Variants in ADAM2 observed in about 807,000 individuals in gnomAD.
ADAM2 encodes the protein disintegrin and metalloproteinase domain-containing protein 2.
In ADAM2, 101 loss-of-function variants were observed where a neutral mutation model predicts 99.3. That is an observed-to-expected ratio of 1.02 (90% CI 0.87 to 1.20). The LOEUF (loss-of-function observed/expected upper bound fraction) is 1.20, where lower values mean the gene tolerates loss of function less well. Ranked by LOEUF, ADAM2 falls within the 50% of genes most tolerant of loss-of-function variation. The pLI is 0.00. For missense variants in ADAM2, 948 were observed against 878.7 expected (o/e 1.08, Z -1.00); for synonymous variants, 323 against 287.6 (o/e 1.12, Z -1.25).
At chr8:39,746,691 T>G (rs1823480378) in intron 18 of ADAM2, 60 bp from the exon 19 acceptor site, 4 of 1,349,206 alleles carry the variant, frequency 3.0e-6, no homozygotes, top group Non-Finnish European at 4.0e-6. Context: ...TAAAGATATT[T>G]CTGTATTTTA....
intron 10 of ADAM2, among the ~76,000 whole-genome samples, chr8:39,779,370 T>C (rs756337035): frequency 1.3e-5 from 2 of 152,116 alleles, no homozygotes; most frequent in Non-Finnish European, 2.9e-5. Context: ...AGCAGTCCTA[T>C]TGAATTAGAG....
chr8:39,766,022 T>A (rs1020000177), intron 14 of ADAM2, among the ~76,000 whole-genome samples: 8 of 152,210 alleles, frequency 5.3e-5, no homozygotes, highest in Non-Finnish European at 1.0e-4. Context: ...TGTATATAGT[T>A]TGCACCATGG....
chr8:39,746,542 G>A lies in ADAM2; in HGVS notation c.2104C>T (p.Leu702=). The A allele has an allele frequency of 6.2e-7, 1 of 1,605,570 alleles. No individual in the cohort carries two copies. Among genetic ancestry groups the A allele is most frequent in the Non-Finnish European group, 8.5e-7 (1 of 1,175,790 alleles). The part of the protein sequence containing the change: ...FIPFFIIFCV[L]IAIMVKVNFQ... ...TTAACTTTCACCATTATAGCAATCA[G>A]TACACAGAAAATAATAAAGAAAGGA... Residue 702 remains leucine, a synonymous_variant, in exon 19 of 21, where the codon CTG becomes TTG. Coordinates refer to ENST00000265708, the MANE Select transcript of ADAM2 (RefSeq NM_001464.5).
intron 2 of ADAM2, among the ~76,000 whole-genome samples, chr8:39,836,126 A>T (rs918599856): frequency 1.3e-5 from 2 of 152,130 alleles, no homozygotes; most frequent in Non-Finnish European, 2.9e-5. Flanking sequence ...TGTATCTGAC[A>T]CTGTTCTAGG....
intron 15 of ADAM2, among the ~76,000 whole-genome samples, chr8:39,758,095 T>G (rs1246908455): frequency 6.6e-6 from 1 of 152,220 alleles, no homozygotes; most frequent in African/African-American, 2.4e-5. Flanking sequence ...TTTATGGCAC[T>G]TAATTGGAAT....
intron 7 of ADAM2, among the ~76,000 whole-genome samples, chr8:39,803,426 GC>G (rs771839115): frequency 5.9e-5 from 9 of 152,150 alleles, no homozygotes; most frequent in Non-Finnish European, 1.0e-4. Context: ...ATCCCAAGGT[GC>G]CCAGTCAACC....
intron 18 of ADAM2, among the ~76,000 whole-genome samples, chr8:39,748,958 C>T (rs1823587783): frequency 6.6e-6 from 1 of 151,962 alleles, no homozygotes; most frequent in Non-Finnish European, 1.5e-5. Context: ...TTTTATTGTC[C>T]CTACAACCCT....
intron 14 of ADAM2, among the ~76,000 whole-genome samples, chr8:39,761,961 G>A (rs1430173370): frequency 6.6e-6 from 1 of 152,134 alleles, no homozygotes. Flanking sequence ...GCAGGCGCCC[G>A]TAGTCCCAGC....
chr8:39,769,969 C>T lies in ADAM2; in HGVS notation c.1029-394G>A, dbSNP rs528597998. ...TTTTTTCTTTTTTTTTTTTTTGAGA[C>T]GGAGTCTCACTCTGTCACCCAGGCT... On this transcript the variant is annotated intron_variant, in intron 11 of 20. Transcript: ENST00000265708. 8.1e-5 allele frequency among the ~76,000 whole-genome samples: 10 copies of T among 123,866 alleles called. No homozygotes were observed. The South Asian group carries it at 1.3e-3, about 16-fold the overall frequency. 81.3% of individuals were successfully genotyped at this position (123,866 alleles called of 152,430 possible).
chr8:39,808,838 C>A (rs911433454), intron 7 of ADAM2, among the ~76,000 whole-genome samples: 1 of 152,152 alleles, frequency 6.6e-6, no homozygotes, highest in Non-Finnish European at 1.5e-5. Flanking sequence ...ATCACTTGAA[C>A]CCATGAAGCG....
At chr8:39,787,679 T>A (rs2129585333) in intron 9 of ADAM2, among the ~76,000 whole-genome samples, 1 of 151,652 alleles carries the variant, frequency 6.6e-6, no homozygotes, top group Admixed American at 6.6e-5. Flanking sequence ...GCAGATATAT[T>A]AGAGATATTA....
chr8:39,763,584 T>C (rs1268111871), intron 14 of ADAM2, among the ~76,000 whole-genome samples: 3 of 152,184 alleles, frequency 2.0e-5, no homozygotes, highest in East Asian at 3.9e-4. Context: ...ACCTACAACA[T>C]GCTAAACAAC....
At chr8:39,836,218 T>A (rs116816118) in intron 2 of ADAM2, among the ~76,000 whole-genome samples, 4,680 of 152,180 alleles carry the variant, frequency 0.031, 178 homozygotes, top group African/African-American at 0.084. Context: ...TTTTTTTACT[T>A]ATTGCAAATA....
chr8:39,782,073 A>G (rs1215306550), intron 10 of ADAM2, among the ~76,000 whole-genome samples: 1 of 152,214 alleles, frequency 6.6e-6, no homozygotes, highest in East Asian at 1.9e-4. Context: ...AATGTGGATT[A>G]TACATCTACA....
chr8:39,830,102 A>T (rs1360786382), intron 3 of ADAM2, among the ~76,000 whole-genome samples: 1 of 152,152 alleles, frequency 6.6e-6, no homozygotes, highest in Non-Finnish European at 1.5e-5. Flanking sequence ...ACTTCACGAC[A>T]CTTATTTAAC....
intron 7 of ADAM2, among the ~76,000 whole-genome samples, chr8:39,799,129 G>A (rs1238990899): frequency 6.6e-6 from 1 of 151,912 alleles, no homozygotes; most frequent in Non-Finnish European, 1.5e-5. Flanking sequence ...TAATTGTGAT[G>A]TTAGACTCAA....
chr8:39,776,945 A>G lies in ADAM2; in HGVS notation c.1028+80T>C, dbSNP rs543151201. 2.4e-5 allele frequency: 22 copies of G among 906,776 alleles called. No homozygotes were observed. The African/African-American group carries it at 3.2e-4, about 13-fold the overall frequency. The allele number at this position is 906,776 out of a possible 1,614,324, so 56.2% of individuals were successfully genotyped here. A position where few individuals can be genotyped will look rare whatever the true frequency, so the allele number is the denominator to read the frequency against. On this transcript the variant is annotated intron_variant, in intron 11 of 20. Coordinates refer to ENST00000265708, the MANE Select transcript of ADAM2 (RefSeq NM_001464.5). ...CACAGCTGATCGCCATTATTATTTA[A>G]CAACTTAAACTTTCTTCAACTAAAT...
chr8:39,769,869 G>C lies in ADAM2; in HGVS notation c.1029-294C>G, dbSNP rs924775757. 7.9e-5 allele frequency among the ~76,000 whole-genome samples: 12 copies of C among 151,918 alleles called. 1 individual carries two copies. The highest frequency in any genetic ancestry group is 6.3e-4 in the South Asian group (3 of 4,800). ...AAGTGCCCCATGCTGTTTCATTTGT[G>C]CTCTTTCTTTTTATAACTTCTAAGT... On this transcript the variant is annotated intron_variant, in intron 11 of 20. Transcript: ENST00000265708.
Position 39,838,168 on chromosome 8 carries a change from A to G in ADAM2, c.18T>C (p.Phe6=), listed in dbSNP as rs199802183. 4 of 1,614,180 alleles carry G rather than the reference A, an allele frequency of 2.5e-6. No homozygotes were observed. The highest frequency in any genetic ancestry group is 1.7e-5 in the Admixed American group (1 of 60,028). The change falls in exon 1 of 21, where the codon TTT becomes TTC. Residue 6 remains phenylalanine (F), a synonymous_variant. Coordinates refer to ENST00000265708, the MANE Select transcript of ADAM2 (RefSeq NM_001464.5). MWRVL[F]LLSGLGGLRM... Reference sequence around the variant, plus strand: ...GCAGCCCGCCGAGCCCGCTGAGCAGAAACAAGACGCGCCACATGGCTTGAA... The same window carrying G: ...GCAGCCCGCCGAGCCCGCTGAGCAGGAACAAGACGCGCCACATGGCTTGAA...
Sources: allele counts gnomAD v4.1 joint callset (sites outside exome capture counted in the v4.1 genomes callset), GRCh38; gene constraint gnomAD v4.1.1; transcripts MANE v1.5; gene names NCBI Gene and HGNC (gene_info 2026-07-23, HGNC 2026-07-21).